The following C1RL variants were observed in gnomAD, a reference collection of about 807,000 sequenced individuals.
C1RL encodes the protein complement C1r subcomponent like, also known as complement C1r subcomponent-like protein.
In C1RL, 27 loss-of-function variants were observed where a neutral mutation model predicts 27.9. That is an observed-to-expected ratio of 0.97 (90% CI 0.71 to 1.33). The LOEUF is 1.33. Among genes scored for constraint, C1RL ranks in the 40% most tolerant of loss-of-function variants. The pLI, the probability that C1RL is intolerant of heterozygous loss-of-function variation, is 0.00. For missense variants in C1RL, 563 were observed against 623.9 expected, an observed-to-expected ratio of 0.90 and a Z score of 1.04; for synonymous variants, 248 against 252.1, an observed-to-expected ratio of 0.98 and a Z score of 0.15.
chr12:7,101,617 T>C (rs1263679298), intron 3 of C1RL: 6 of 505,962 alleles, frequency 1.2e-5, no homozygotes, highest in East Asian at 1.2e-4. Flanking sequence ...TGAAAATTTA[T>C]AATTTTACTT....
At chr12:7,102,901 G>A (rs753234777) in intron 2 of C1RL, among the ~76,000 whole-genome samples, 6 of 152,090 alleles carry the variant, frequency 3.9e-5, no homozygotes, top group Non-Finnish European at 7.3e-5. Context: ...TCTGTTCCAG[G>A]CACACAGCTC....
chr12:7,099,656 G>C, intron 5 of C1RL, 30 bp downstream of exon 5: 1 of 1,549,792 alleles, frequency 6.5e-7, no homozygotes, highest in Non-Finnish European at 8.7e-7. Flanking sequence ...AGGCTTGTTG[G>C]GGGAATGGTG....
intron 2 of C1RL, among the ~76,000 whole-genome samples, chr12:7,106,003 GAAATTATTT>G: frequency 6.6e-6 from 1 of 152,208 alleles, no homozygotes; most frequent in Non-Finnish European, 1.5e-5. Flanking sequence ...GAGATATCTG[GAAATTATTT>G]AAAAAATAGC....
chr12:7,094,797 T>A lies in C1RL; in HGVS notation c.*1594A>T, dbSNP rs949601221. The A allele has an allele frequency of 4.3e-5, 41 of 956,410 alleles. No individual in the cohort carries two copies. Among genetic ancestry groups the A allele is most frequent in the Non-Finnish European group, 5.0e-5 (40 of 803,462 alleles). The allele number at this position is 956,410 out of a possible 1,614,324, so 59.2% of individuals were successfully genotyped here. ...TTTCACTATGTTGCTTAGGCTGGAC[T>A]TCAACTCCTGGGCTCAAGCGATCCT... On this transcript the variant is annotated 3_prime_UTR_variant, in exon 6 of 6. Transcript: ENST00000266542.
At chr12:7,099,434 T>C (rs1938547303) in intron 5 of C1RL, 1 of 983,282 alleles carries the variant, frequency 1.0e-6, no homozygotes, top group African/African-American at 1.7e-5. Context: ...TGTTGGTCTC[T>C]CTTCCTCCTT....
At chr12:7,106,031 A>T (rs1296148288) in intron 2 of C1RL, among the ~76,000 whole-genome samples, 1 of 152,226 alleles carries the variant, frequency 6.6e-6, no homozygotes, top group African/African-American at 2.4e-5. Context: ...GCACAAGAAC[A>T]TTCCTAGAAT....
intron 3 of C1RL, among the ~76,000 whole-genome samples, chr12:7,100,796 TAAATA>T (rs1252841259): frequency 6.6e-6 from 1 of 151,728 alleles, no homozygotes; most frequent in African/African-American, 2.4e-5. Context: ...CAAAAAACAA[TAAATA>T]AAATAAAAAA....
intron 2 of C1RL, among the ~76,000 whole-genome samples, chr12:7,106,714 C>A (rs770616907): frequency 6.6e-6 from 1 of 152,156 alleles, no homozygotes; most frequent in East Asian, 1.9e-4. Context: ...AAAACAAAAA[C>A]AAACACCCCC....
intron 5 of C1RL, among the ~76,000 whole-genome samples, chr12:7,097,664 C>T (rs1446121100): frequency 6.6e-6 from 1 of 152,166 alleles, no homozygotes; most frequent in African/African-American, 2.4e-5. Context: ...GCCAAGTGTA[C>T]GGGGCACCCA....
rs1283931076 is a variant in C1RL, at chr12:7,096,665, G to A, written c.1190C>T (p.Ala397Val). Residue 397 changes from alanine (A) to valine (V), a missense_variant, in exon 6 of 6, where the codon GCT (alanine) becomes GTT (valine). By Grantham distance (64) the Ala-to-Val change is moderately conservative. Transcript: ENST00000266542. ...CCAGGCGTTGCAGGCCTCCCTGGGA[G>A]CTACAGGCAGCCTCGAGTACTTCAG... is the stretch of plus-strand genomic sequence containing the variant. ...TELKYSRLPVAPREACNAWLQ... is the reference protein window; with the variant it reads ...TELKYSRLPVVPREACNAWLQ... The A allele has an allele frequency of 6.2e-7, 1 of 1,614,142 alleles. No individual in the cohort carries two copies.
intron 2 of C1RL, among the ~76,000 whole-genome samples, chr12:7,105,919 C>A (rs1460490478): frequency 6.6e-6 from 1 of 152,024 alleles, no homozygotes; most frequent in African/African-American, 2.4e-5. Flanking sequence ...TAGAACAAAA[C>A]AGATAACAAA....
chr12:7,106,779 T>C (rs1938778120), intron 2 of C1RL, among the ~76,000 whole-genome samples: 1 of 152,080 alleles, frequency 6.6e-6, no homozygotes, highest in African/African-American at 2.4e-5. Flanking sequence ...TATTGACTCC[T>C]AGGAAACCCA....
intron 5 of C1RL, chr12:7,097,395 T>C (rs1224999210): frequency 2.0e-6 from 1 of 488,974 alleles, no homozygotes; most frequent in Non-Finnish European, 3.6e-6. Flanking sequence ...CAATTCTGCC[T>C]CAGCCTCCCG....
chr12:7,095,434 A>G lies in C1RL; in HGVS notation c.*957T>C. On this transcript the variant is annotated 3_prime_UTR_variant, in exon 6 of 6. Coordinates refer to ENST00000266542, the MANE Select transcript of C1RL (RefSeq NM_016546.4). ...CGGCCCATCACCTCCAGGTTTTACT[A>G]AAAATTAAAGAGTTGGTCCTCTCAG... 1 of 999,114 alleles carries G rather than the reference A, an allele frequency of 1.0e-6. No homozygotes were observed. The highest frequency in any genetic ancestry group is 4.0e-5 in the South Asian group (1 of 24,760). The allele number at this position is 999,114 out of a possible 1,614,324, so 61.9% of individuals were successfully genotyped here.
chr12:7,103,292 G>C (rs971554488), intron 2 of C1RL, among the ~76,000 whole-genome samples: 2 of 152,194 alleles, frequency 1.3e-5, no homozygotes, highest in Non-Finnish European at 2.9e-5. Context: ...AAATACAATT[G>C]CTTAGGATTC....
rs11343911 is a variant in C1RL at position 7,094,570 on chromosome 12, T to TATTTA, written c.*1820_*1821insTAAAT. The TATTTA allele has an allele frequency of 8.2e-6, 6 of 735,130 alleles. No homozygotes were observed. The highest frequency in any genetic ancestry group is 1.0e-5 in the Non-Finnish European group (6 of 602,462). 45.5% of individuals were successfully genotyped at this position (735,130 alleles called of 1,614,324 possible). ...ACATATAAATATAGGTATATATATA[T>TATTTA]TTTTTTGCCTTGGCAGGGAGAAACT... On this transcript the variant is annotated 3_prime_UTR_variant, in exon 6 of 6. Coordinates refer to ENST00000266542, the MANE Select transcript of C1RL (RefSeq NM_016546.4).
At position 7,096,201 on chromosome 12, in the gene C1RL, G is replaced by A; in HGVS notation, c.*190C>T. On this transcript the variant is annotated 3_prime_UTR_variant, in exon 6 of 6. Transcript: ENST00000266542. Reference sequence around the variant, plus strand: ...TCTGTGGGACTCTGCTTCCTGTCTGGGATGGGGCGGGCTTGCCGGGTGGGG... The same window carrying A: ...TCTGTGGGACTCTGCTTCCTGTCTGAGATGGGGCGGGCTTGCCGGGTGGGG... 8 of 1,379,568 alleles carry A rather than the reference G, an allele frequency of 5.8e-6. No homozygotes were observed. The highest frequency in any genetic ancestry group is 7.5e-6 in the Non-Finnish European group (8 of 1,070,682). The allele number at this position is 1,379,568 out of a possible 1,614,324, so 85.5% of individuals were successfully genotyped here.
intron 2 of C1RL, among the ~76,000 whole-genome samples, chr12:7,106,415 A>T (rs1938765844): frequency 6.6e-6 from 1 of 152,246 alleles, no homozygotes; most frequent in African/African-American, 2.4e-5. Flanking sequence ...TGCTCCTCCA[A>T]AATGGGAGAG....
At position 7,094,780 on chromosome 12, in the gene C1RL, T is replaced by C. The variant is rs1938378533; in HGVS notation, c.*1611A>G. The C allele has an allele frequency of 1.1e-6, 1 of 952,028 alleles. No homozygotes were observed. Among genetic ancestry groups the C allele is most frequent in the Non-Finnish European group, 1.3e-6 (1 of 799,782 alleles). The allele number at this position is 952,028 out of a possible 1,614,324, so 59.0% of individuals were successfully genotyped here. A position where few individuals can be genotyped will look rare whatever the true frequency, so the allele number is the denominator to read the frequency against. On this transcript the variant is annotated 3_prime_UTR_variant, in exon 6 of 6. Transcript: ENST00000266542. ...TATTTTTGGCGATGGGGTTTCACTA[T>C]GTTGCTTAGGCTGGACTTCAACTCC...
Sources: gnomAD v4.1 joint callset for allele counts (sites outside exome capture counted in the v4.1 genomes callset) on GRCh38, gnomAD v4.1.1 for gene constraint, MANE v1.5 for transcripts, NCBI Gene and HGNC (gene_info 2026-07-23, HGNC 2026-07-21) for gene names.